SPATS2: variants seen among roughly 807,000 people sequenced by gnomAD.
The protein encoded by SPATS2 is spermatogenesis-associated serine-rich protein 2.
SPATS2 carries 38 observed loss-of-function variants against 63.7 expected under a neutral mutation model. The ratio of observed to expected loss-of-function variants is 0.60; its 90% CI spans 0.46 to 0.78. SPATS2 has a LOEUF of 0.78. Among genes scored for constraint, SPATS2 ranks in the 30% least tolerant of loss-of-function variants. SPATS2 has a pLI of 0.00. For synonymous variants in SPATS2, 207 were observed against 232.9 expected, an observed-to-expected ratio of 0.89 and a Z score of 1.01; for missense variants, 588 against 666.2, an observed-to-expected ratio of 0.88 and a Z score of 1.29.
At chr12:49,422,454 G>A (rs1945000127) in intron 2 of SPATS2, among the ~76,000 whole-genome samples, 1 of 151,890 alleles carries the variant, frequency 6.6e-6, no homozygotes, top group Non-Finnish European at 1.5e-5. Context: ...GCAGTCATTT[G>A]GTATGACCTC....
At chr12:49,373,396 C>G (rs1456663875) in intron 2 of SPATS2, among the ~76,000 whole-genome samples, 1 of 152,188 alleles carries the variant, frequency 6.6e-6, no homozygotes, top group East Asian at 1.9e-4. Flanking sequence ...TTATAGGAGA[C>G]TTTGTGAGCC....
At position 49,428,276 on chromosome 12, in the gene SPATS2, A is replaced by AC. The variant is rs34223227; in HGVS notation, c.-243-32494_-243-32493insC. ...TCTCAAAAAACAAACAAACAAACAAAAAAAAAAAACAAAAATTCAGTAGAA... is the reference window on the plus strand; with the variant it reads ...TCTCAAAAAACAAACAAACAAACAAACAAAAAAAAACAAAAATTCAGTAGAA... On this transcript the variant is annotated intron_variant, in intron 2 of 13. Transcript: ENST00000552918. Among the ~76,000 whole-genome samples, 1,132 of 151,912 alleles carry AC rather than the reference A, an allele frequency of 7.5e-3. 9 individuals carry two copies. The highest frequency in any genetic ancestry group is 0.026 in the African/African-American group (1,064 of 41,452).
chr12:49,458,749 T>A (rs79014718), intron 2 of SPATS2, among the ~76,000 whole-genome samples: 13 of 151,376 alleles, frequency 8.6e-5, no homozygotes, highest in South Asian at 2.1e-4. Flanking sequence ...TTTTTTTTTT[T>A]AATTGTTAGC....
At chr12:49,489,150 TGAG>T (rs1342319480) in intron 4 of SPATS2, among the ~76,000 whole-genome samples, 1 of 152,236 alleles carries the variant, frequency 6.6e-6, no homozygotes, top group Non-Finnish European at 1.5e-5. Context: ...ATGCTAAAAA[TGAG>T]GGAATATTGA....
intron 2 of SPATS2, among the ~76,000 whole-genome samples, chr12:49,385,839 T>TTTTTTTTG (rs1555178266): frequency 1.4e-5 from 2 of 147,418 alleles, no homozygotes; most frequent in African/African-American, 5.1e-5. Context: ...TTTTTTTGTT[T>TTTTTTTTG]TTTGTTTGTT....
chr12:49,486,594 G>T (rs968963258), intron 4 of SPATS2, among the ~76,000 whole-genome samples: 1 of 152,030 alleles, frequency 6.6e-6, no homozygotes, highest in East Asian at 1.9e-4. Context: ...ATTAACCTTC[G>T]TTGAATTACA....
At chr12:49,452,111 A>C (rs1242200891) in intron 2 of SPATS2, among the ~76,000 whole-genome samples, 2 of 152,162 alleles carry the variant, frequency 1.3e-5, no homozygotes, top group Non-Finnish European at 2.9e-5. Flanking sequence ...TTGCAGCTAT[A>C]ATTCATTGAG....
chr12:49,450,834 G>C (rs1317206909), intron 2 of SPATS2, among the ~76,000 whole-genome samples: 1 of 150,142 alleles, frequency 6.7e-6, no homozygotes, highest in East Asian at 2.0e-4. Context: ...GCAAGCTACT[G>C]TGTCAGCCTA....
intron 9 of SPATS2, among the ~76,000 whole-genome samples, chr12:49,512,425 T>C (rs545592297): frequency 1.3e-5 from 2 of 152,316 alleles, no homozygotes; most frequent in East Asian, 1.9e-4. Flanking sequence ...GCTGGATATA[T>C]TATAAGCTAG....
chr12:49,527,089 T>C lies in SPATS2; in HGVS notation c.*834T>C, dbSNP rs1947048305. ...TAAAAATACAAAAATTAGCTGAGCA[T>C]GGTGGCGTGTGCCTGTAATCTCAGC... is the stretch of plus-strand genomic sequence containing the variant. On this transcript the variant is annotated 3_prime_UTR_variant, in exon 14 of 14. Coordinates refer to ENST00000552918, the MANE Select transcript of SPATS2 (RefSeq NM_023071.4). 6.6e-6 allele frequency: 1 copy of C among 152,044 alleles called. No homozygotes were observed. Among genetic ancestry groups the C allele is most frequent in the Non-Finnish European group, 1.5e-5 (1 of 68,074 alleles). 9.4% of individuals were successfully genotyped at this position (152,044 alleles called of 1,614,324 possible). A position where few individuals can be genotyped will look rare whatever the true frequency, so the allele number is the denominator to read the frequency against.
chr12:49,403,819 C>G (rs775185220), intron 2 of SPATS2, among the ~76,000 whole-genome samples: 2 of 152,014 alleles, frequency 1.3e-5, no homozygotes, highest in Non-Finnish European at 2.9e-5. Flanking sequence ...GAAGAAGTTT[C>G]AAAGAGAATT....
intron 3 of SPATS2, among the ~76,000 whole-genome samples, chr12:49,480,760 G>T (rs1269263932): frequency 6.7e-6 from 1 of 149,136 alleles, no homozygotes; most frequent in Non-Finnish European, 1.5e-5. Flanking sequence ...CAGAATTCCA[G>T]TTTTTCCACA....
chr12:49,501,774 C>T (rs1946571453), intron 9 of SPATS2, among the ~76,000 whole-genome samples: 1 of 152,090 alleles, frequency 6.6e-6, no homozygotes, highest in South Asian at 2.1e-4. Flanking sequence ...TGCCACCATG[C>T]CTGGCTAATT....
intron 2 of SPATS2, among the ~76,000 whole-genome samples, chr12:49,419,918 T>A (rs1409878933): frequency 1.3e-5 from 2 of 152,242 alleles, no homozygotes; most frequent in African/African-American, 4.8e-5. Flanking sequence ...CAAAAGTAGT[T>A]CAGAGAAAAG....
At chr12:49,451,409 C>G (rs1172643061) in intron 2 of SPATS2, among the ~76,000 whole-genome samples, 1 of 151,962 alleles carries the variant, frequency 6.6e-6, no homozygotes, top group Non-Finnish European at 1.5e-5. Flanking sequence ...CTTCTTTCTC[C>G]TTTTATGCAA....
chr12:49,498,145 A>AAAAT lies in SPATS2; in HGVS notation c.703+1137_703+1138insAATA, dbSNP rs66900382. On this transcript the variant is annotated intron_variant, in intron 8 of 13. Coordinates refer to ENST00000552918, the MANE Select transcript of SPATS2 (RefSeq NM_023071.4). ...ATCCAATCAAGCCAAAAAAAAAAAA[A>AAAAT]ATATATATATATATATATATATATG... 4.0e-3 allele frequency among the ~76,000 whole-genome samples: 396 copies of AAAAT among 98,956 alleles called. 4 individuals carry two copies. Among genetic ancestry groups the AAAAT allele is most frequent in the African/African-American group, 0.018 (357 of 20,362 alleles). 64.9% of individuals were successfully genotyped at this position (98,956 alleles called of 152,430 possible). A position where few individuals can be genotyped will look rare whatever the true frequency, so the allele number is the denominator to read the frequency against.
intron 2 of SPATS2, among the ~76,000 whole-genome samples, chr12:49,416,248 C>T (rs1173519337): frequency 1.3e-5 from 2 of 152,012 alleles, no homozygotes; most frequent in Non-Finnish European, 2.9e-5. Context: ...ACTTAGAAGC[C>T]TTCCTCACCA....
intron 8 of SPATS2, among the ~76,000 whole-genome samples, chr12:49,497,421 G>A (rs1361517043): frequency 6.8e-6 from 1 of 147,282 alleles, no homozygotes; most frequent in Non-Finnish European, 1.5e-5. Context: ...CCGAGACTGA[G>A]TCTCACTTTG....
intron 2 of SPATS2, among the ~76,000 whole-genome samples, chr12:49,403,214 C>T (rs749517516): frequency 3.3e-5 from 5 of 152,150 alleles, no homozygotes; most frequent in Non-Finnish European, 7.3e-5. Context: ...GTGGACGTTC[C>T]CTTTACTTCT....
Sources: gnomAD v4.1 joint callset for allele counts (sites outside exome capture counted in the v4.1 genomes callset) on GRCh38, gnomAD v4.1.1 for gene constraint, MANE v1.5 for transcripts, NCBI Gene and HGNC (gene_info 2026-07-23, HGNC 2026-07-21) for gene names.